The following RAB3C variants were observed in gnomAD, a reference collection of about 807,000 sequenced individuals.
The protein encoded by RAB3C is RAB3C, member RAS oncogene family.
RAB3C carries 17 observed loss-of-function variants against 26.4 expected under a neutral mutation model. That is an observed-to-expected ratio of 0.64 (90% CI 0.44 to 0.97). The LOEUF is 0.97. Ranked by LOEUF, RAB3C falls within the 50% of genes least tolerant of loss-of-function variation. RAB3C has a pLI of 0.00. For synonymous variants in RAB3C, 91 were observed against 95.9 expected, an observed-to-expected ratio of 0.95 and a Z score of 0.30; for missense variants, 242 against 281.9, an observed-to-expected ratio of 0.86 and a Z score of 1.01.
intron 2 of RAB3C, among the ~76,000 whole-genome samples, chr5:58,646,052 T>A (rs1334504102): frequency 6.6e-6 from 1 of 152,164 alleles, no homozygotes; most frequent in African/African-American, 2.4e-5. Flanking sequence ...TATTGACCCT[T>A]GGTTAAAAGT....
intron 3 of RAB3C, chr5:58,823,165 C>A: frequency 2.8e-6 from 1 of 354,338 alleles, no homozygotes; most frequent in Non-Finnish European, 5.5e-6. Context: ...AAGATGCTTA[C>A]AAGAAACGGT....
intron 3 of RAB3C, among the ~76,000 whole-genome samples, chr5:58,790,593 T>C (rs1267329049): frequency 1.3e-5 from 2 of 151,956 alleles, no homozygotes; most frequent in East Asian, 1.9e-4. Flanking sequence ...AAAAATCAAA[T>C]CTAATATATT....
chr5:58,749,113 C>T (rs1230840437), intron 3 of RAB3C, among the ~76,000 whole-genome samples: 1 of 151,928 alleles, frequency 6.6e-6, no homozygotes, highest in African/African-American at 2.4e-5. Flanking sequence ...GAGTAAACTT[C>T]TATCATGCCC....
chr5:58,678,596 G>A (rs944453540), intron 2 of RAB3C, among the ~76,000 whole-genome samples: 3 of 152,118 alleles, frequency 2.0e-5, no homozygotes, highest in Non-Finnish European at 4.4e-5. Flanking sequence ...TCAGAGAAAA[G>A]TATTAATATG....
chr5:58,651,293 T>C (rs1747643677), intron 2 of RAB3C, among the ~76,000 whole-genome samples: 2 of 152,174 alleles, frequency 1.3e-5, no homozygotes, highest in Non-Finnish European at 2.9e-5. Flanking sequence ...TTTTTCTAGC[T>C]TCCTATCTCT....
intron 2 of RAB3C, among the ~76,000 whole-genome samples, chr5:58,655,571 T>A (rs1484266733): frequency 6.6e-6 from 1 of 152,146 alleles, no homozygotes; most frequent in Non-Finnish European, 1.5e-5. Flanking sequence ...AACTAATGAC[T>A]GCAACAAGCC....
chr5:58,582,929 T>G (rs1745930851), upstream of RAB3C: 1 of 710,654 alleles, frequency 1.4e-6, no homozygotes, highest in East Asian at 3.3e-5. Flanking sequence ...GGATCGAGCC[T>G]GTTTAATGGT....
chr5:58,599,435 T>C (rs542770516), intron 1 of RAB3C, among the ~76,000 whole-genome samples: 1 of 152,228 alleles, frequency 6.6e-6, no homozygotes, highest in African/African-American at 2.4e-5. Context: ...CAGGATTGCA[T>C]TGTCAGGGTC....
intron 1 of RAB3C, among the ~76,000 whole-genome samples, chr5:58,592,820 A>G (rs1746163419): frequency 6.6e-6 from 1 of 151,744 alleles, no homozygotes; most frequent in Non-Finnish European, 1.5e-5. Flanking sequence ...TTTTCATCTG[A>G]CTGTTTTCAA....
chr5:58,690,243 A>G (rs1748540141), intron 2 of RAB3C, among the ~76,000 whole-genome samples: 1 of 152,142 alleles, frequency 6.6e-6, no homozygotes, highest in Non-Finnish European at 1.5e-5. Context: ...TTAAAATATT[A>G]TTTTTAAAAC....
intron 2 of RAB3C, among the ~76,000 whole-genome samples, chr5:58,657,642 C>T (rs2111799665): frequency 6.6e-6 from 1 of 152,162 alleles, no homozygotes; most frequent in African/African-American, 2.4e-5. Flanking sequence ...CAGACAAGGG[C>T]CAGACCATAA....
At chr5:58,658,647 T>C (rs1747833557) in intron 2 of RAB3C, among the ~76,000 whole-genome samples, 1 of 152,160 alleles carries the variant, frequency 6.6e-6, no homozygotes, top group African/African-American at 2.4e-5. Flanking sequence ...GGGTCAGCAA[T>C]TTGGACTGGG....
chr5:58,664,999 T>C (rs1379280104), intron 2 of RAB3C, among the ~76,000 whole-genome samples: 2 of 152,130 alleles, frequency 1.3e-5, no homozygotes, highest in Non-Finnish European at 2.9e-5. Flanking sequence ...TCCCAGATCA[T>C]AGTCTAGTTT....
chr5:58,699,120 G>T (rs1020180258), intron 2 of RAB3C, among the ~76,000 whole-genome samples: 1 of 151,902 alleles, frequency 6.6e-6, no homozygotes, highest in African/African-American at 2.4e-5. Context: ...TGGTGTAGAT[G>T]ACCTTTTTGT....
At chr5:58,630,780 C>G (rs1747171430) in intron 2 of RAB3C, among the ~76,000 whole-genome samples, 1 of 152,214 alleles carries the variant, frequency 6.6e-6, no homozygotes. Context: ...TACCACTGCT[C>G]TAGACCATAG....
chr5:58,839,884 G>A (rs1914024), intron 4 of RAB3C, among the ~76,000 whole-genome samples: 1 of 150,874 alleles, frequency 6.6e-6, no homozygotes, highest in Non-Finnish European at 1.5e-5. Context: ...GGATGGCTTT[G>A]CTGGGTATAA....
chr5:58,601,978 G>A (rs935473654), intron 1 of RAB3C, among the ~76,000 whole-genome samples: 1 of 151,890 alleles, frequency 6.6e-6, no homozygotes, highest in African/African-American at 2.4e-5. Context: ...TTCTGATGTG[G>A]GTGTTTAAGG....
intron 3 of RAB3C, among the ~76,000 whole-genome samples, chr5:58,729,935 AT>A (rs1261359956): frequency 6.8e-6 from 1 of 147,962 alleles, no homozygotes; most frequent in Non-Finnish European, 1.5e-5. Flanking sequence ...ACATATACAT[AT>A]CCTATATTAA....
intron 2 of RAB3C, among the ~76,000 whole-genome samples, chr5:58,673,445 TATAC>T (rs2111827698): frequency 8.5e-6 from 1 of 118,178 alleles, no homozygotes; most frequent in East Asian, 2.4e-4. Flanking sequence ...ACGAACTAGT[TATAC>T]ACACACACAC....
Sources: gnomAD v4.1 joint callset for allele counts (sites outside exome capture counted in the v4.1 genomes callset) on GRCh38, gnomAD v4.1.1 for gene constraint, MANE v1.5 for transcripts, NCBI Gene and HGNC (gene_info 2026-07-23, HGNC 2026-07-21) for gene names.